XPR1: variants seen among roughly 807,000 people sequenced by gnomAD.
The protein encoded by XPR1 is xenotropic and polytropic retrovirus receptor 1.
A neutral mutation model predicts 87.5 loss-of-function variants in XPR1; 28 were observed. That is an observed-to-expected ratio of 0.32 (90% CI 0.24 to 0.44). The LOEUF is 0.44. Among genes scored for constraint, XPR1 ranks in the 20% least tolerant of loss-of-function variants. XPR1 has a pLI of 1.00. For missense variants in XPR1, 559 were observed against 862.3 expected (o/e 0.65, Z 4.41); for synonymous variants, 300 against 306.1 (o/e 0.98, Z 0.21).
At chr1:180,683,005 G>T (rs1041824700) in intron 2 of XPR1, among the ~76,000 whole-genome samples, 1 of 151,734 alleles carries the variant, frequency 6.6e-6, no homozygotes, top group Admixed American at 6.6e-5. Context: ...AAGTTTTAGG[G>T]TACATGTGCA....
intron 2 of XPR1, among the ~76,000 whole-genome samples, chr1:180,737,895 G>T (rs1445016218): frequency 6.6e-6 from 1 of 152,166 alleles, no homozygotes; most frequent in Non-Finnish European, 1.5e-5. Context: ...ATTATGAAAA[G>T]AAGCTGCTTC....
intron 2 of XPR1, among the ~76,000 whole-genome samples, chr1:180,703,174 G>A (rs1235963328): frequency 6.6e-6 from 1 of 152,060 alleles, no homozygotes; most frequent in Non-Finnish European, 1.5e-5. Context: ...AGTGGTGGTG[G>A]CAGTGGGCAA....
chr1:180,873,983 A>G, intron 13 of XPR1, 41 bp downstream of exon 13: 1 of 1,567,846 alleles, frequency 6.4e-7, no homozygotes, highest in Non-Finnish European at 8.7e-7. Context: ...ATTCTTTTTA[A>G]CCTAAAAGAC....
chr1:180,632,024 G>A lies in XPR1; in HGVS notation c.-178G>A, dbSNP rs1455297855. On this transcript the variant is annotated 5_prime_UTR_variant, in exon 1 of 15. The change abolishes an upstream ATG in the 5' untranslated region. Coordinates refer to ENST00000367590, the MANE Select transcript of XPR1 (RefSeq NM_004736.4). ...AGAGGGCGGGGAGGGGCGGGGCTATGGAGAGGAGGAGGAAGATGGCGGGCG... is the reference window on the plus strand; with the variant it reads ...AGAGGGCGGGGAGGGGCGGGGCTATAGAGAGGAGGAGGAAGATGGCGGGCG... 2.9e-6 allele frequency: 2 copies of A among 700,244 alleles called. No homozygotes were observed. The highest frequency in any genetic ancestry group is 5.1e-6 in the Non-Finnish European group (2 of 395,080). The allele number at this position is 700,244 out of a possible 1,614,324, so 43.4% of individuals were successfully genotyped here.
At chr1:180,648,216 A>G (rs1254527584) in intron 1 of XPR1, among the ~76,000 whole-genome samples, 1 of 152,186 alleles carries the variant, frequency 6.6e-6, no homozygotes, top group Non-Finnish European at 1.5e-5. Context: ...GTATATGTGT[A>G]TATATATGTA....
Position 180,876,016 on chromosome 1 carries a change from A to C in XPR1, c.1808+2074A>C, listed in dbSNP as rs780854026. Among the ~76,000 whole-genome samples, 74 of 152,192 alleles carry C rather than the reference A, an allele frequency of 4.9e-4. 1 individual carries two copies. The highest frequency in any genetic ancestry group is 7.9e-4 in the Non-Finnish European group (54 of 68,030). On this transcript the variant is annotated intron_variant, in intron 13 of 14. Coordinates refer to ENST00000367590, the MANE Select transcript of XPR1 (RefSeq NM_004736.4). ...AGAAATAGAAAATCTGTATTAAAGA[A>C]ATTAAATTCATGTTAAAATACTTTG...
chr1:180,679,151 C>T (rs536935393), intron 1 of XPR1, among the ~76,000 whole-genome samples: 155 of 152,026 alleles, frequency 1.0e-3, no homozygotes, highest in Middle Eastern at 3.4e-3. Flanking sequence ...GCCGAGATGG[C>T]GCCACTGCAC....
intron 11 of XPR1, among the ~76,000 whole-genome samples, chr1:180,856,246 A>G (rs1030768764): frequency 6.6e-6 from 1 of 152,150 alleles, no homozygotes; most frequent in African/African-American, 2.4e-5. Flanking sequence ...ATTTTTTAAG[A>G]GATAAAGAGA....
At position 180,825,271 on chromosome 1, in the gene XPR1, T is replaced by G. The variant is rs1182898335; in HGVS notation, c.1061T>G (p.Phe354Cys). ...TYVYPLALYG[F>C]MVFFLINPTK... Reference sequence around the variant, plus strand: ...GTGTATCCACTTGCCCTTTATGGATTTATGGTTTTCTTCCTTATCAACCCC... The same window carrying G: ...GTGTATCCACTTGCCCTTTATGGATGTATGGTTTTCTTCCTTATCAACCCC... The change falls in exon 9 of 15, where the codon TTT becomes TGT. Residue 354 changes from phenylalanine to cysteine, a missense_variant. Coordinates refer to ENST00000367590, the MANE Select transcript of XPR1 (RefSeq NM_004736.4). 3 of 1,614,112 alleles carry G rather than the reference T, an allele frequency of 1.9e-6. No individual in the cohort carries two copies. The highest frequency in any genetic ancestry group is 2.5e-6 in the Non-Finnish European group (3 of 1,179,984).
intron 11 of XPR1, among the ~76,000 whole-genome samples, chr1:180,849,198 A>G (rs1245295272): frequency 6.6e-6 from 1 of 152,136 alleles, no homozygotes; most frequent in African/African-American, 2.4e-5. Context: ...CAAATATGTC[A>G]TGTGTTGGCA....
At chr1:180,634,217 A>C (rs958680011) in intron 1 of XPR1, among the ~76,000 whole-genome samples, 2 of 152,192 alleles carry the variant, frequency 1.3e-5, no homozygotes, top group Admixed American at 6.5e-5. Context: ...TGTCTGCATT[A>C]TCTTTCTCAG....
At chr1:180,635,860 A>T (rs912879501) in intron 1 of XPR1, among the ~76,000 whole-genome samples, 11 of 152,218 alleles carry the variant, frequency 7.2e-5, no homozygotes, top group African/African-American at 2.7e-4. Flanking sequence ...TTAAGGACTC[A>T]TCCAGCTCTA....
At chr1:180,734,509 A>G (rs1340113272) in intron 2 of XPR1, among the ~76,000 whole-genome samples, 1 of 152,144 alleles carries the variant, frequency 6.6e-6, no homozygotes, top group Admixed American at 6.6e-5. Flanking sequence ...AGAAGTTTCA[A>G]TTCCTTGATC....
chr1:180,806,143 G>C lies in XPR1; in HGVS notation c.529G>C (p.Val177Leu), dbSNP rs766386456. 2 of 1,613,850 alleles carry C rather than the reference G, an allele frequency of 1.2e-6. No homozygotes were observed. The highest frequency in any genetic ancestry group is 3.3e-5 in the Admixed American group (2 of 59,992). Reference sequence around the variant, plus strand: ...AACATCTCGTGGAGCAGATTGGCGAGTGGCTCACGTAGAGGTGGCCCCATT... The same window carrying C: ...AACATCTCGTGGAGCAGATTGGCGACTGGCTCACGTAGAGGTGGCCCCATT... ...LETSRGADWR[V>L]AHVEVAPFYT... Residue 177 changes from valine to leucine, a missense_variant, in exon 5 of 15, where the codon GTG becomes CTG. This residue lies in a region of XPR1 where 159 missense variants were observed against 263.3 expected (regional missense o/e 0.60). Coordinates refer to ENST00000367590, the MANE Select transcript of XPR1 (RefSeq NM_004736.4).
intron 12 of XPR1, among the ~76,000 whole-genome samples, chr1:180,865,549 C>T (rs1199688871): frequency 4.6e-5 from 7 of 152,014 alleles, no homozygotes; most frequent in Admixed American, 2.0e-4. Context: ...TACAGGCGCC[C>T]GCCACCACGT....
At chr1:180,657,687 C>G (rs929308719) in intron 1 of XPR1, among the ~76,000 whole-genome samples, 3 of 152,160 alleles carry the variant, frequency 2.0e-5, no homozygotes, top group South Asian at 2.1e-4. Context: ...ATTTTGGTCA[C>G]TATAGCTCTG....
chr1:180,702,450 G>A (rs964745520), intron 2 of XPR1, among the ~76,000 whole-genome samples: 1 of 151,514 alleles, frequency 6.6e-6, no homozygotes, highest in Non-Finnish European at 1.5e-5. Flanking sequence ...ATGTCTATTA[G>A]GTCTGCTTGG....
At chr1:180,815,322 G>A (rs1236007424) in intron 7 of XPR1, among the ~76,000 whole-genome samples, 1 of 151,998 alleles carries the variant, frequency 6.6e-6, no homozygotes, top group Admixed American at 6.5e-5. Context: ...TGCTGTGTAT[G>A]CATTTAGTGT....
At chr1:180,640,172 TAGTA>T (rs1390211831) in intron 1 of XPR1, among the ~76,000 whole-genome samples, 1 of 152,252 alleles carries the variant, frequency 6.6e-6, no homozygotes, top group Non-Finnish European at 1.5e-5. Flanking sequence ...GCTCTATACT[TAGTA>T]AGTAAATGGA....
Sources: allele counts gnomAD v4.1 joint callset (sites outside exome capture counted in the v4.1 genomes callset), GRCh38; gene constraint gnomAD v4.1.1; regional missense constraint gnomAD v4.1.1; transcripts MANE v1.5; gene names NCBI Gene and HGNC (gene_info 2026-07-23, HGNC 2026-07-21).